The following ACOT11 variants were observed in gnomAD, a reference collection of about 807,000 sequenced individuals.
ACOT11 encodes the protein acyl-CoA thioesterase 11, also known as acyl-coenzyme A thioesterase 11.
Under a neutral mutation model 77.5 loss-of-function variants are expected in ACOT11, and 69 were observed. The observed-to-expected ratio is 0.89, with a 90% CI of 0.73 to 1.09. The LOEUF is 1.09. Among genes scored for constraint, ACOT11 ranks in the 50% least tolerant of loss-of-function variants. The probability of loss-of-function intolerance (pLI) is 0.00; values close to 1 mark genes in which losing one functional copy is unlikely to be tolerated. For synonymous variants in ACOT11, 279 were observed against 313.0 expected (o/e 0.89, Z 1.15); for missense variants, 766 against 813.7 (o/e 0.94, Z 0.71).
At chr1:54,585,372 A>G (rs1366796415) in intron 2 of ACOT11, among the ~76,000 whole-genome samples, 3 of 152,118 alleles carry the variant, frequency 2.0e-5, no homozygotes, top group Non-Finnish European at 4.4e-5. Context: ...CAGGGAAGGG[A>G]TGCCTGAGGG....
At chr1:54,617,708 G>C (rs888148730) in intron 15 of ACOT11, among the ~76,000 whole-genome samples, 1 of 72,520 alleles carries the variant, frequency 1.4e-5, no homozygotes, top group Non-Finnish European at 3.2e-5. Context: ...CAGGGCCTGA[G>C]ATTTTTTTTT....
chr1:54,568,776 C>T (rs1653832114), intron 1 of ACOT11, among the ~76,000 whole-genome samples: 1 of 151,992 alleles, frequency 6.6e-6, no homozygotes, highest in South Asian at 2.1e-4. Flanking sequence ...AAGACAGGGT[C>T]TCACTCTATT....
At chr1:54,616,026 G>A (rs747541842) in intron 15 of ACOT11, 16 of 1,613,602 alleles carry the variant, frequency 9.9e-6, no homozygotes, top group South Asian at 2.2e-5. Context: ...TTACCCTTTT[G>A]GGAAGAGCCC....
chr1:54,620,100 T>C, intron 15 of ACOT11: 1 of 1,355,898 alleles, frequency 7.4e-7, no homozygotes, highest in Non-Finnish European at 1.0e-6. Context: ...GGGCTCCCAC[T>C]GTGTCCAGTA....
Position 54,604,364 on chromosome 1 carries a change from A to AT in ACOT11, c.1171_1172insT (p.Asn391IlefsTer31), listed in dbSNP as rs759304517. 1 of 1,613,890 alleles carries AT rather than the reference A, an allele frequency of 6.2e-7. No homozygotes were observed. Among genetic ancestry groups the AT allele is most frequent in the Non-Finnish European group, 8.5e-7 (1 of 1,179,988 alleles). On this transcript the variant is annotated frameshift_variant, in exon 12 of 16. Transcript: ENST00000343744. LOFTEE classifies it high-confidence loss of function. ...CTTTCAGGTGTACCTGAGCTACAATAACGTCTCCTCCTTGAAGATGCTTGT... is the reference window on the plus strand; with the variant it reads ...CTTTCAGGTGTACCTGAGCTACAATATACGTCTCCTCCTTGAAGATGCTTGT...
At chr1:54,622,458 G>A (rs1040572616) in intron 15 of ACOT11, among the ~76,000 whole-genome samples, 4 of 151,600 alleles carry the variant, frequency 2.6e-5, no homozygotes, top group Non-Finnish European at 4.4e-5. Context: ...CACGCCTGTA[G>A]TCCCAGCTAC....
intron 15 of ACOT11, among the ~76,000 whole-genome samples, chr1:54,608,734 CAGGGTTGTCAGTGCCCGAGGA>C (rs1485145575): frequency 6.6e-6 from 1 of 152,134 alleles, no homozygotes; most frequent in Non-Finnish European, 1.5e-5. Context: ...TGTGGGAAGC[CAGGGTTGTCAGTGCCCGAGGA>C]AGGGTTGGGG....
intron 16 of ACOT11, among the ~76,000 whole-genome samples, chr1:54,631,170 C>G (rs1644297755): frequency 1.3e-5 from 2 of 152,128 alleles, no homozygotes; most frequent in Admixed American, 1.3e-4. Context: ...AAGTAGTTGC[C>G]CCAGTGACTG....
At chr1:54,560,111 C>G (rs1445961383) in intron 1 of ACOT11, among the ~76,000 whole-genome samples, 2 of 152,146 alleles carry the variant, frequency 1.3e-5, no homozygotes, top group East Asian at 3.9e-4. Flanking sequence ...TTTGGGGACA[C>G]AGGGATGAGC....
At chr1:54,555,672 C>T (rs1653233484) in intron 1 of ACOT11, among the ~76,000 whole-genome samples, 1 of 152,104 alleles carries the variant, frequency 6.6e-6, no homozygotes, top group African/African-American at 2.4e-5. Flanking sequence ...TGAAGTGTTT[C>T]CCTTATGTTT....
chr1:54,630,763 G>A (rs1305390715), exon 16 of ACOT11: 2 of 759,394 alleles, frequency 2.6e-6, no homozygotes, highest in Non-Finnish European at 2.4e-6. Flanking sequence ...CCCTGACTGA[G>A]CTGGTCTCGG....
chr1:54,620,196 C>T (rs1269776527), intron 15 of ACOT11, among the ~76,000 whole-genome samples: 1 of 152,182 alleles, frequency 6.6e-6, no homozygotes. Context: ...CCCAAGGAAG[C>T]CTCATTACCA....
chr1:54,616,546 G>A (rs1001036633), intron 15 of ACOT11, among the ~76,000 whole-genome samples: 1 of 151,778 alleles, frequency 6.6e-6, no homozygotes, highest in Non-Finnish European at 1.5e-5. Flanking sequence ...GCTAATTTTT[G>A]TATTTAGTGG....
At chr1:54,604,795 C>G (rs951922028) in intron 12 of ACOT11, among the ~76,000 whole-genome samples, 1 of 152,196 alleles carries the variant, frequency 6.6e-6, no homozygotes, top group African/African-American at 2.4e-5. Context: ...TTCCCCTAGA[C>G]AAGCCACTTC....
At position 54,607,318 on chromosome 1, in the gene ACOT11, G is replaced by T; in HGVS notation, c.1502+53G>T. 6.3e-7 allele frequency: 1 copy of T among 1,598,582 alleles called. No homozygotes were observed. The highest frequency in any genetic ancestry group is 8.6e-7 in the Non-Finnish European group (1 of 1,168,002). On this transcript the variant is annotated intron_variant, in intron 14 of 15. Transcript: ENST00000343744. The surrounding 1 kb of genome is among the most constrained non-coding windows in gnomAD (Gnocchi z 4.5). ...GGACACAACTGGACAGGGTGGTAGG[G>T]TGGCCGCTTCTCCCTCCCAGGGAAG... is the stretch of plus-strand genomic sequence containing the variant.
At chr1:54,637,998 AAAATT>A (rs1387058138) in exon 17 of ACOT11, 1 of 152,154 alleles carries the variant, frequency 6.6e-6, no homozygotes, top group African/African-American at 2.4e-5. Flanking sequence ...AAATTAAAAA[AAAATT>A]AAAATAGAGG....
chr1:54,554,798 G>C (rs1653204733), intron 1 of ACOT11, among the ~76,000 whole-genome samples: 1 of 152,178 alleles, frequency 6.6e-6, no homozygotes, highest in Admixed American at 6.5e-5. Context: ...ATACCCAGTA[G>C]TGGGACTGCT....
At chr1:54,580,548 C>T (rs1046199334) in intron 1 of ACOT11, among the ~76,000 whole-genome samples, 5 of 152,226 alleles carry the variant, frequency 3.3e-5, no homozygotes, top group Non-Finnish European at 5.9e-5. Context: ...GAACCACAGC[C>T]GTTCTGTTTC....
intron 16 of ACOT11, among the ~76,000 whole-genome samples, chr1:54,631,190 C>T (rs1255360959): frequency 2.0e-5 from 3 of 152,112 alleles, no homozygotes; most frequent in Non-Finnish European, 2.9e-5. Flanking sequence ...GTTCGAGCAG[C>T]GCCTTGAGCG....
Sources: allele counts gnomAD v4.1 joint callset (sites outside exome capture counted in the v4.1 genomes callset), GRCh38; gene constraint gnomAD v4.1.1; non-coding constraint Gnocchi (gnomAD v3.1); transcripts MANE v1.5; gene names NCBI Gene and HGNC (gene_info 2026-07-23, HGNC 2026-07-21).